Variants in RAB37 observed in about 807,000 individuals in gnomAD.
RAB37 encodes ras-related protein Rab-37.
RAB37 carries 29 observed loss-of-function variants against 33.1 expected under a neutral mutation model. That is an observed-to-expected ratio of 0.88 (90% CI 0.65 to 1.20). The LOEUF (loss-of-function observed/expected upper bound fraction) is 1.20. Among genes scored for constraint, RAB37 ranks in the 50% most tolerant of loss-of-function variants. The pLI is 0.00. For synonymous variants in RAB37, 128 were observed against 119.5 expected, an observed-to-expected ratio of 1.07 and a Z score of -0.47; for missense variants, 299 against 301.1, an observed-to-expected ratio of 0.99 and a Z score of 0.05.
intron 1 of RAB37, among the ~76,000 whole-genome samples, chr17:74,726,184 G>A (rs1271569678): frequency 6.0e-5 from 9 of 149,544 alleles, no homozygotes; most frequent in Admixed American, 4.7e-4. Context: ...ATTGTGAGCC[G>A]AGATTGTGAC....
At chr17:74,678,956 C>T (rs961061157) in intron 1 of RAB37, among the ~76,000 whole-genome samples, 1 of 151,956 alleles carries the variant, frequency 6.6e-6, no homozygotes, top group Non-Finnish European at 1.5e-5. Context: ...AGTAAAAATA[C>T]AAAAATTAGC....
chr17:74,727,296 G>T, intron 1 of RAB37, among the ~76,000 whole-genome samples: 1 of 152,262 alleles, frequency 6.6e-6, no homozygotes, highest in East Asian at 1.9e-4. Context: ...TGTGAAGAGG[G>T]AATCAAATGT....
Position 74,744,360 on chromosome 17 carries a change from T to A in RAB37, c.419T>A (p.Leu140Gln), listed in dbSNP as rs758877227. Residue 140 changes from leucine to glutamine, a missense_variant, in exon 6 of 9, where the codon CTG becomes CAG. Coordinates refer to ENST00000392613, the MANE Select transcript of RAB37 (RefSeq NM_001006638.3). This position sits in a 1 kb window ranked among gnomAD's most constrained non-coding sequence, Gnocchi z 4.2. Reference protein sequence around the residue: ...EYAQRDVVIMLLGNKADMSSE... With the variant: ...EYAQRDVVIMQLGNKADMSSE... ...GCCCAGAGGGACGTGGTGATCATGC[T>A]GCTAGGCAACAAGGTGAGTGGCTCC... 6.2e-7 allele frequency: 1 copy of A among 1,614,042 alleles called. No individual in the cohort carries two copies. Among genetic ancestry groups the A allele is most frequent in the Admixed American group, 1.7e-5 (1 of 60,010 alleles).
intron 1 of RAB37, among the ~76,000 whole-genome samples, chr17:74,691,166 A>G (rs1405660317): frequency 6.6e-6 from 1 of 152,054 alleles, no homozygotes; most frequent in African/African-American, 2.4e-5. Flanking sequence ...GCGCCACCAC[A>G]CCCAGCTAAT....
upstream of RAB37, chr17:74,736,438 G>C (rs72851704): frequency 0.074 from 51,999 of 698,226 alleles, 2,115 homozygotes; most frequent in East Asian, 0.16. Context: ...GAGCTGCCGG[G>C]TGCCTGGGAT....
chr17:74,744,313 GCTCA>G lies in RAB37; in HGVS notation c.375_378del (p.Thr126ArgfsTer11). 1 of 1,613,638 alleles carries G rather than the reference GCTCA, an allele frequency of 6.2e-7. No homozygotes were observed. The highest frequency in any genetic ancestry group is 8.5e-7 in the Non-Finnish European group (1 of 1,179,776). Reference sequence around the variant, plus strand: ...TCGCACGCCCTCTCCCACAGGCCTGGCTCACTGAGATTCATGAGTATGCCCAGAG... The same window carrying G: ...TCGCACGCCCTCTCCCACAGGCCTGGCTGAGATTCATGAGTATGCCCAGAG... On this transcript the variant is annotated frameshift_variant, in exon 6 of 9. Transcript: ENST00000392613. LOFTEE classifies it high-confidence loss of function. The surrounding 1 kb of genome is among the most constrained non-coding windows in gnomAD (Gnocchi z 4.2).
chr17:74,745,079 C>T lies in RAB37; in HGVS notation c.561C>T (p.Ile187=), dbSNP rs772557537. Residue 187 remains isoleucine (I), a synonymous_variant, in exon 8 of 9, where the codon ATC becomes ATT. Transcript: ENST00000392613. This position sits in a 1 kb window ranked among gnomAD's most constrained non-coding sequence, Gnocchi z 4.5. ...GMNVELAFLA[I]AKELKYRAGH... is the part of the protein sequence containing the mutation. ...ATGTGGAGTTAGCCTTTCTGGCCAT[C>T]GCCAAGTGAGAGCTGGGCAGGGAAG... 6 of 1,614,004 alleles carry T rather than the reference C, an allele frequency of 3.7e-6. No individual in the cohort carries two copies. Among genetic ancestry groups the T allele is most frequent in the Non-Finnish European group, 3.4e-6 (4 of 1,180,012 alleles).
upstream of RAB37, among the ~76,000 whole-genome samples, chr17:74,733,871 C>G (rs1275668513): frequency 6.6e-6 from 1 of 152,040 alleles, no homozygotes; most frequent in African/African-American, 2.4e-5. Context: ...ACGCACCCTC[C>G]AAGTATGACA....
chr17:74,739,895 G>A (rs971306585), intron 1 of RAB37, among the ~76,000 whole-genome samples: 2 of 152,070 alleles, frequency 1.3e-5, no homozygotes, highest in East Asian at 1.9e-4. Flanking sequence ...GGTGGCTCAC[G>A]CCCGTAATCC....
rs551081133 is a variant in RAB37 at position 74,707,782 on chromosome 17, A to G, written c.73-21474A>G. Among the ~76,000 whole-genome samples the G allele has an allele frequency of 9.0e-4, 137 of 152,324 alleles. 1 individual carries two copies. Among genetic ancestry groups the G allele is most frequent in the African/African-American group, 3.2e-3 (133 of 41,564 alleles). On this transcript the variant is annotated intron_variant, in intron 1 of 7. Transcript: ENST00000340415. ...CCTGCACATATTAAAAAGTTAATAA[A>G]CCATGAATAAGATAAAAGGATATAA...
chr17:74,739,884 C>T (rs1450697410), intron 1 of RAB37, among the ~76,000 whole-genome samples: 1 of 152,034 alleles, frequency 6.6e-6, no homozygotes, highest in Non-Finnish European at 1.5e-5. Context: ...CAGTCAGGCG[C>T]GGTGGCTCAC....
At chr17:74,705,282 GT>G (rs774483061) in intron 1 of RAB37, 2 of 700,144 alleles carry the variant, frequency 2.9e-6, no homozygotes, top group South Asian at 3.0e-5. Flanking sequence ...GGCTGTCCTG[GT>G]GGTCCTAATG....
At chr17:74,700,168 T>C (rs7215414) in intron 1 of RAB37, among the ~76,000 whole-genome samples, 5,302 of 76,846 alleles carry the variant, frequency 0.069, 186 homozygotes, top group South Asian at 0.11. Flanking sequence ...AATAAATAAA[T>C]AAACAAACAA....
intron 1 of RAB37, among the ~76,000 whole-genome samples, chr17:74,723,851 G>A (rs2034272903): frequency 6.6e-6 from 1 of 152,066 alleles, no homozygotes; most frequent in African/African-American, 2.4e-5. Flanking sequence ...TGGGATTACA[G>A]GCATGAGCCA....
At chr17:74,740,621 G>A (rs148150762) in intron 1 of RAB37, 147 bp from the exon 2 acceptor site, 187 of 681,572 alleles carry the variant, frequency 2.7e-4, no homozygotes, top group African/African-American at 2.4e-3. Flanking sequence ...TGAAGATGGC[G>A]GCTGGCTTTC....
At chr17:74,709,489 T>G (rs2033790788) in intron 1 of RAB37, among the ~76,000 whole-genome samples, 1 of 152,250 alleles carries the variant, frequency 6.6e-6, no homozygotes, top group African/African-American at 2.4e-5. Flanking sequence ...TGTTGAAGTT[T>G]TATGCACTTT....
intron 1 of RAB37, among the ~76,000 whole-genome samples, chr17:74,673,220 A>G (rs892669236): frequency 7.2e-5 from 11 of 152,042 alleles, no homozygotes; most frequent in Non-Finnish European, 1.3e-4. Flanking sequence ...CCTGGCCAAC[A>G]TGGTAAAATC....
chr17:74,720,603 G>T lies in RAB37; in HGVS notation c.73-8653G>T, dbSNP rs184973909. Among the ~76,000 whole-genome samples the T allele has an allele frequency of 3.4e-4, 51 of 152,132 alleles. No homozygotes were observed. In the East Asian group the frequency reaches 6.8e-3, roughly 20 times the overall value. On this transcript the variant is annotated intron_variant, in intron 1 of 7. Transcript: ENST00000340415. ...GAGCCTCTGTCTCAAAAAAATAAAA[G>T]AAAAGAAAAACACAATTAATGCTCT...
upstream of RAB37, among the ~76,000 whole-genome samples, chr17:74,732,745 G>A (rs999977355): frequency 3.7e-4 from 50 of 133,938 alleles, no homozygotes; most frequent in Middle Eastern, 4.1e-3. Context: ...TGAGGTGTGT[G>A]TGATGAGGTG....
Sources: allele counts gnomAD v4.1 joint callset (sites outside exome capture counted in the v4.1 genomes callset), GRCh38; gene constraint gnomAD v4.1.1; non-coding constraint Gnocchi (gnomAD v3.1); transcripts MANE v1.5; gene names NCBI Gene and HGNC (gene_info 2026-07-23, HGNC 2026-07-21).